EPHA6: variants seen among roughly 807,000 people sequenced by gnomAD.
EPHA6 encodes EPH receptor A6, also known as ephrin type-A receptor 6.
A neutral mutation model predicts 112.0 loss-of-function variants in EPHA6; 50 were observed. That is an observed-to-expected ratio of 0.45 (90% confidence interval 0.36 to 0.56). EPHA6 has a LOEUF of 0.56. EPHA6 is among the 20% of genes least tolerant of loss of function. The pLI, the probability that EPHA6 is intolerant of heterozygous loss-of-function variation, is 0.00. For missense variants in EPHA6, 1,280 were observed against 1,417.4 expected (o/e 0.90, Z 1.56); for synonymous variants, 529 against 490.7 (o/e 1.08, Z -1.03).
At chr3:97,103,615 A>G (rs28765519) in intron 3 of EPHA6, among the ~76,000 whole-genome samples, 23,297 of 152,010 alleles carry the variant, frequency 0.15, 2,058 homozygotes, top group Non-Finnish European at 0.2. Context: ...TTCCTTGGCT[A>G]TTTGGGCTCT....
At chr3:97,480,313 A>C (rs1227852125) in intron 9 of EPHA6, among the ~76,000 whole-genome samples, 1 of 151,542 alleles carries the variant, frequency 6.6e-6, no homozygotes, top group East Asian at 1.9e-4. Context: ...ACAATAGTGG[A>C]GGGAAGGTCA....
At chr3:97,438,850 A>C (rs1041763176) in intron 6 of EPHA6, among the ~76,000 whole-genome samples, 1 of 152,172 alleles carries the variant, frequency 6.6e-6, no homozygotes, top group Non-Finnish European at 1.5e-5. Flanking sequence ...TGACCCTTTG[A>C]TATAGGTATA....
intron 5 of EPHA6, among the ~76,000 whole-genome samples, chr3:97,262,038 C>A (rs1423828150): frequency 6.6e-6 from 1 of 152,076 alleles, no homozygotes; most frequent in African/African-American, 2.4e-5. Flanking sequence ...TTACTCAAAC[C>A]ATTCTTCTTG....
chr3:97,457,339 T>C (rs1244724819), intron 7 of EPHA6, among the ~76,000 whole-genome samples: 3 of 152,102 alleles, frequency 2.0e-5, no homozygotes, highest in African/African-American at 7.2e-5. Flanking sequence ...AGTTGGCCTT[T>C]GGGAAGTCAC....
intron 3 of EPHA6, among the ~76,000 whole-genome samples, chr3:97,119,750 C>A (rs2047991073): frequency 6.6e-6 from 1 of 151,954 alleles, no homozygotes; most frequent in Admixed American, 6.6e-5. Flanking sequence ...ATAATTGTTA[C>A]TCATGTTTTT....
chr3:96,889,362 A>G (rs887065023), intron 2 of EPHA6, among the ~76,000 whole-genome samples: 6 of 152,178 alleles, frequency 3.9e-5, no homozygotes, highest in African/African-American at 1.4e-4. Flanking sequence ...CCGACTGCTA[A>G]TAAAGACGTA....
intron 5 of EPHA6, among the ~76,000 whole-genome samples, chr3:97,379,919 A>G (rs1262172222): frequency 3.9e-5 from 6 of 152,160 alleles, no homozygotes; most frequent in African/African-American, 9.6e-5. Context: ...AAAAGTTGCC[A>G]TAAGAGGAAA....
chr3:96,854,063 T>C (rs935829486), intron 1 of EPHA6, among the ~76,000 whole-genome samples: 1 of 152,092 alleles, frequency 6.6e-6, no homozygotes, highest in African/African-American at 2.4e-5. Flanking sequence ...TTATTATAAA[T>C]TCCTCACCTA....
At position 96,910,998 on chromosome 3, in the gene EPHA6, A is replaced by G. The variant is rs140182128; in HGVS notation, c.450+44109A>G. On this transcript the variant is annotated intron_variant, in intron 2 of 17. Coordinates refer to ENST00000389672, the MANE Select transcript of EPHA6 (RefSeq NM_001080448.3). ...TTTGTGCTTCTGAATGCCTTATGAA[A>G]TTGTTTACTTTGATATATTTGCTTG... Among the ~76,000 whole-genome samples, 445 of 152,102 alleles carry G rather than the reference A, an allele frequency of 2.9e-3. 4 individuals carry two copies. The highest frequency in any genetic ancestry group is 9.8e-3 in the African/African-American group (407 of 41,528).
chr3:97,186,152 T>A (rs910576885), intron 3 of EPHA6, among the ~76,000 whole-genome samples: 2 of 152,028 alleles, frequency 1.3e-5, no homozygotes, highest in African/African-American at 4.8e-5. Flanking sequence ...GCATGGCACA[T>A]GTTTACGTAT....
At chr3:97,438,094 T>G (rs2089950908) in intron 6 of EPHA6, among the ~76,000 whole-genome samples, 1 of 152,174 alleles carries the variant, frequency 6.6e-6, no homozygotes, top group East Asian at 1.9e-4. Flanking sequence ...GAAGGCATTT[T>G]CTTCAGGGCC....
rs565705647 is a variant in EPHA6, at chr3:97,286,555, A to G, written c.1606+42268A>G. ...AAAATCAGGTGGTTGCAAATAGGTG[A>G]ACTTACTTCTAGGTTCTTTATTCCA... On this transcript the variant is annotated intron_variant, in intron 5 of 17. Transcript: ENST00000389672. 4.6e-5 allele frequency among the ~76,000 whole-genome samples: 7 copies of G among 152,252 alleles called. No individual in the cohort carries two copies. The East Asian group carries it at 1.2e-3, about 25-fold the overall frequency.
intron 5 of EPHA6, among the ~76,000 whole-genome samples, chr3:97,286,000 T>C (rs1249946510): frequency 6.6e-6 from 1 of 152,154 alleles, no homozygotes; most frequent in Non-Finnish European, 1.5e-5. Context: ...TTAAACATTC[T>C]TTTATATACC....
At chr3:97,700,689 TACACCAC>T in intron 14 of EPHA6, among the ~76,000 whole-genome samples, 1 of 152,260 alleles carries the variant, frequency 6.6e-6, no homozygotes, top group Admixed American at 6.5e-5. Flanking sequence ...GAAAAAGAAA[TACACCAC>T]ACACACATAC....
intron 3 of EPHA6, among the ~76,000 whole-genome samples, chr3:97,084,117 T>TGG (rs200126444): frequency 1.9e-4 from 21 of 111,132 alleles, no homozygotes; most frequent in East Asian, 7.3e-4. Flanking sequence ...TATATATATA[T>TGG]ATATATGGAT....
intron 5 of EPHA6, among the ~76,000 whole-genome samples, chr3:97,355,998 A>G (rs576532816): frequency 6.6e-6 from 1 of 152,180 alleles, no homozygotes; most frequent in African/African-American, 2.4e-5. Flanking sequence ...TTGTAAATAT[A>G]CGTGTACCCA....
intron 2 of EPHA6, among the ~76,000 whole-genome samples, chr3:96,921,188 A>G (rs1449676225): frequency 1.3e-5 from 2 of 152,140 alleles, no homozygotes; most frequent in Admixed American, 1.3e-4. Flanking sequence ...ATTTTCCTTC[A>G]TGATAGGCAG....
chr3:97,351,944 A>AC (rs35643916), intron 5 of EPHA6, among the ~76,000 whole-genome samples: 1 of 152,088 alleles, frequency 6.6e-6, no homozygotes, highest in East Asian at 1.9e-4. Context: ...TAATAAACAT[A>AC]CCCCCCATTA....
intron 3 of EPHA6, among the ~76,000 whole-genome samples, chr3:97,033,409 G>A (rs191833258): frequency 1.2e-4 from 18 of 152,012 alleles, no homozygotes; most frequent in Admixed American, 8.5e-4. Flanking sequence ...CGGTCAGCAC[G>A]AGTAAAGAAT....
Sources: allele counts gnomAD v4.1 joint callset (sites outside exome capture counted in the v4.1 genomes callset), GRCh38; gene constraint gnomAD v4.1.1; transcripts MANE v1.5; gene names NCBI Gene and HGNC (gene_info 2026-07-23, HGNC 2026-07-21).